GHR: variants seen among roughly 807,000 people sequenced by gnomAD.
GHR encodes growth hormone receptor, also known as GH receptor.
GHR carries 35 observed loss-of-function variants against 67.1 expected under a neutral mutation model. The observed-to-expected ratio is 0.52, with a 90% CI of 0.40 to 0.69. The LOEUF (loss-of-function observed/expected upper bound fraction) is 0.69. Among genes scored for constraint, GHR ranks in the 30% least tolerant of loss-of-function variants. GHR has a pLI of 0.00. For synonymous variants in GHR, 272 were observed against 269.1 expected (o/e 1.01, Z -0.10); for missense variants, 792 against 764.6 (o/e 1.04, Z -0.42).
At chr5:42,623,500 G>A (rs1753558522) in intron 2 of GHR, among the ~76,000 whole-genome samples, 1 of 152,050 alleles carries the variant, frequency 6.6e-6, no homozygotes, top group South Asian at 2.1e-4. Context: ...ACATGCCCAG[G>A]CTGTGTCTTC....
At chr5:42,498,012 G>C (rs1746390960) in intron 1 of GHR, among the ~76,000 whole-genome samples, 1 of 152,132 alleles carries the variant, frequency 6.6e-6, no homozygotes, top group South Asian at 2.1e-4. Context: ...GGGGAGGTTG[G>C]AAGTGGGTTA....
chr5:42,492,145 C>T (rs974629132), intron 1 of GHR, among the ~76,000 whole-genome samples: 18 of 151,980 alleles, frequency 1.2e-4, no homozygotes, highest in Admixed American at 7.9e-4. Flanking sequence ...TTTATGTCTG[C>T]GTGTGTATTG....
chr5:42,646,443 G>T (rs531736520), intron 3 of GHR: 26 of 376,914 alleles, frequency 6.9e-5, no homozygotes, highest in African/African-American at 4.9e-4. Flanking sequence ...CATAATAAAA[G>T]TAAAAGCTTT....
intron 5 of GHR, among the ~76,000 whole-genome samples, chr5:42,696,815 A>C (rs1012901068): frequency 6.6e-6 from 1 of 152,206 alleles, no homozygotes; most frequent in African/African-American, 2.4e-5. Flanking sequence ...TTGCAATCAC[A>C]CTTTACAGAT....
At chr5:42,533,100 A>G (rs1346090532) in intron 1 of GHR, among the ~76,000 whole-genome samples, 1 of 152,100 alleles carries the variant, frequency 6.6e-6, no homozygotes, top group Non-Finnish European at 1.5e-5. Flanking sequence ...ACACTTGATT[A>G]TTATCAGATT....
At position 42,713,503 on chromosome 5, in the gene GHR, T is replaced by G; in HGVS notation, c.859T>G (p.Phe287Val). 7.1e-7 allele frequency: 1 copy of G among 1,412,100 alleles called. No individual in the cohort carries two copies. The highest frequency in any genetic ancestry group is 1.7e-5 in the Admixed American group (1 of 59,730). 87.5% of individuals were successfully genotyped at this position (1,412,100 alleles called of 1,614,324 possible). The change falls in exon 8 of 10, where the codon TTT (phenylalanine) becomes GTT (valine). Residue 287 changes from phenylalanine (F) to valine (V), a missense_variant. Phe to Val is a conservative substitution (Grantham distance 50). Transcript: ENST00000230882. Reference protein sequence around the residue: ...GLTVMLFVFLFSKQQRIKMLI... With the variant: ...GLTVMLFVFLVSKQQRIKMLI... The stretch of plus-strand genomic sequence containing the variant: ...AACAGTGATGCTATTTGTATTCTTA[T>G]TTTCTAAACAGCAAAGGTAGGTGTG...
At chr5:42,482,042 C>T (rs1233898782) in intron 1 of GHR, among the ~76,000 whole-genome samples, 11 of 151,994 alleles carry the variant, frequency 7.2e-5, no homozygotes, top group Non-Finnish European at 1.5e-4. Flanking sequence ...ATGATGGTGA[C>T]GTACAGATGG....
chr5:42,495,158 T>G (rs1746268252), intron 1 of GHR, among the ~76,000 whole-genome samples: 1 of 152,094 alleles, frequency 6.6e-6, no homozygotes, highest in East Asian at 1.9e-4. Context: ...TTCTTTCTTA[T>G]AAGTAAGCAA....
At position 42,610,531 on chromosome 5, in the gene GHR, C is replaced by T. The variant is rs140520994; in HGVS notation, c.71-18507C>T. 6.4e-3 allele frequency among the ~76,000 whole-genome samples: 970 copies of T among 152,190 alleles called. 3 individuals are homozygous for T. The highest frequency in any genetic ancestry group is 0.011 in the Non-Finnish European group (717 of 68,006). On this transcript the variant is annotated intron_variant, in intron 2 of 9. Coordinates refer to ENST00000230882, the MANE Select transcript of GHR (RefSeq NM_000163.5). ...ATGTTAGCCTGGATTTTCTGAGATG[C>T]ATCCCTGCAAGAGATTCACTGGGAA...
intron 3 of GHR, among the ~76,000 whole-genome samples, chr5:42,685,791 GT>G (rs1267978921): frequency 2.8e-4 from 42 of 151,674 alleles, no homozygotes; most frequent in African/African-American, 8.0e-4. Flanking sequence ...TGATGGGGTT[GT>G]TTTTTTTCTT....
At chr5:42,517,451 G>C (rs1157465776) in intron 1 of GHR, among the ~76,000 whole-genome samples, 1 of 152,202 alleles carries the variant, frequency 6.6e-6, no homozygotes, top group Non-Finnish European at 1.5e-5. Context: ...CTGAAGGAAT[G>C]AGTACAGTAT....
At chr5:42,532,544 T>G (rs1452004327) in intron 1 of GHR, among the ~76,000 whole-genome samples, 1 of 152,132 alleles carries the variant, frequency 6.6e-6, no homozygotes, top group Non-Finnish European at 1.5e-5. Flanking sequence ...CCTTCCCCAG[T>G]CTCATTATTT....
chr5:42,445,847 G>A (rs1383043002), intron 1 of GHR, among the ~76,000 whole-genome samples: 4 of 152,194 alleles, frequency 2.6e-5, no homozygotes, highest in Non-Finnish European at 5.9e-5. Context: ...GTCTCTTGGT[G>A]ATAGTTCTTT....
intron 3 of GHR, among the ~76,000 whole-genome samples, chr5:42,642,894 A>T (rs1308418782): frequency 6.6e-6 from 1 of 152,142 alleles, no homozygotes; most frequent in Non-Finnish European, 1.5e-5. Flanking sequence ...CAGAAACATC[A>T]TTCCAATCTC....
chr5:42,700,680 A>ACCACAGCCACAG (rs35027937), intron 6 of GHR, among the ~76,000 whole-genome samples: 1 of 152,058 alleles, frequency 6.6e-6, no homozygotes, highest in Non-Finnish European at 1.5e-5. Context: ...AATCTGTCTA[A>ACCACAGCCACAG]CCACAGCCAC....
intron 1 of GHR, among the ~76,000 whole-genome samples, chr5:42,436,785 A>G (rs916084268): frequency 2.0e-5 from 3 of 152,176 alleles, no homozygotes; most frequent in East Asian, 1.9e-4. Context: ...ACATTTGACT[A>G]ATCTTTATGT....
chr5:42,718,116 C>A lies in GHR; in HGVS notation c.940C>A (p.Leu314Ile). The A allele has an allele frequency of 6.9e-7, 1 of 1,451,800 alleles. No individual in the cohort carries two copies. Among genetic ancestry groups the A allele is most frequent in the Non-Finnish European group, 9.7e-7 (1 of 1,032,140 alleles). The allele number at this position is 1,451,800 out of a possible 1,614,324, so 89.9% of individuals were successfully genotyped here. A position where few individuals can be genotyped will look rare whatever the true frequency, so the allele number is the denominator to read the frequency against. ...PKIKGIDPDL[L>I]KEGKLEEVNT... ...GATTAAAGGAATCGATCCAGATCTC[C>A]TCAAGGTAACTAATAATTTTATCTA... Residue 314 changes from leucine to isoleucine, a missense_variant, in exon 9 of 10, where the codon CTC becomes ATC. Physicochemically the swap from Leu to Ile is conservative, Grantham distance 5 (BLOSUM62 2). Transcript: ENST00000230882.
intron 3 of GHR, among the ~76,000 whole-genome samples, chr5:42,685,767 C>A (rs1248041902): frequency 6.6e-6 from 1 of 152,096 alleles, no homozygotes; most frequent in Non-Finnish European, 1.5e-5. Flanking sequence ...TGTTTATATC[C>A]TTTGCCCACT....
chr5:42,648,194 A>G (rs918286833), intron 3 of GHR, among the ~76,000 whole-genome samples: 3 of 152,170 alleles, frequency 2.0e-5, no homozygotes, highest in African/African-American at 7.2e-5. Context: ...CACCCTAACC[A>G]TCACATGGGT....
Sources: gnomAD v4.1 joint callset for allele counts (sites outside exome capture counted in the v4.1 genomes callset) on GRCh38, gnomAD v4.1.1 for gene constraint, MANE v1.5 for transcripts, NCBI Gene and HGNC (gene_info 2026-07-23, HGNC 2026-07-21) for gene names.